HSD17B11: variants seen among roughly 807,000 people sequenced by gnomAD.
HSD17B11 encodes the protein estradiol 17-beta-dehydrogenase 11.
Under a neutral mutation model 27.8 loss-of-function variants are expected in HSD17B11, and 22 were observed. That is an observed-to-expected ratio of 0.79 (90% CI 0.56 to 1.13). The LOEUF is 1.13. Among genes scored for constraint, HSD17B11 ranks in the 50% most tolerant of loss-of-function variants. The pLI is 0.00. For synonymous variants in HSD17B11, 117 were observed against 132.8 expected (o/e 0.88, Z 0.82); for missense variants, 314 against 351.1 (o/e 0.89, Z 0.84).
chr4:87,361,682 G>C (rs1735519479), intron 4 of HSD17B11, among the ~76,000 whole-genome samples: 1 of 152,172 alleles, frequency 6.6e-6, no homozygotes, highest in Non-Finnish European at 1.5e-5. Context: ...CAGGAGAATG[G>C]CGTGAACCCG....
intron 4 of HSD17B11, among the ~76,000 whole-genome samples, chr4:87,358,612 T>TA (rs1359938072): frequency 6.6e-6 from 1 of 152,174 alleles, no homozygotes; most frequent in Non-Finnish European, 1.5e-5. Flanking sequence ...GTATAATATA[T>TA]ATCATGTAAA....
Position 87,380,863 on chromosome 4 carries a change from CAAAAAA to C in HSD17B11, c.318+1386_318+1391del, listed in dbSNP as rs561938045. On this transcript the variant is annotated intron_variant, in intron 2 of 6. Coordinates refer to ENST00000358290, the MANE Select transcript of HSD17B11 (RefSeq NM_016245.5). ...ACAAAGCTAGAGCTAGACTCTATCT[CAAAAAA>C]AAAAAAAAAAAAAAAAAAAAAAGAA... Among the ~76,000 whole-genome samples, 620 of 74,652 alleles carry C rather than the reference CAAAAAA, an allele frequency of 8.3e-3. 2 individuals carry two copies. The highest frequency in any genetic ancestry group is 0.031 in the African/African-American group (578 of 18,408). The allele number at this position is 74,652 out of a possible 152,430, so 49.0% of individuals were successfully genotyped here. A position where few individuals can be genotyped will look rare whatever the true frequency, so the allele number is the denominator to read the frequency against.
chr4:87,390,814 C>A, intron 1 of HSD17B11, 47 bp downstream of exon 1: 1 of 1,548,158 alleles, frequency 6.5e-7, no homozygotes, highest in Non-Finnish European at 8.9e-7. Context: ...GCAGACACAT[C>A]CACAAATTAA....
chr4:87,367,755 G>T (rs1429308918), intron 4 of HSD17B11, among the ~76,000 whole-genome samples: 1 of 152,164 alleles, frequency 6.6e-6, no homozygotes, highest in African/African-American at 2.4e-5. Context: ...ATCTCTAACT[G>T]CTGCTCAGAA....
rs770126344 is a variant in HSD17B11 at position 87,340,575 on chromosome 4, C to T, written c.727G>A (p.Val243Ile). The change falls in exon 6 of 7, where the codon GTA (valine) becomes ATA (isoleucine). Residue 243 changes from valine (V) to isoleucine (I), a missense_variant. Physicochemically the swap from Val to Ile is conservative, Grantham distance 29 (BLOSUM62 3). Transcript: ENST00000358290. The stretch of plus-strand genomic sequence containing the variant: ...AGAATCCCATGCATCAGCCTGTTTA[C>T]CACTTCCTCAGGTTCCAGAGTGGGT... Reference protein sequence around the residue: ...LGPTLEPEEVVNRLMHGILTE... With the variant: ...LGPTLEPEEVINRLMHGILTE... 1.7e-5 allele frequency: 28 copies of T among 1,612,964 alleles called. No homozygotes were observed. The highest frequency in any genetic ancestry group is 1.1e-4 in the East Asian group (5 of 44,858).
intron 4 of HSD17B11, among the ~76,000 whole-genome samples, chr4:87,369,436 T>TC (rs1212936676): frequency 2.6e-5 from 4 of 152,100 alleles, no homozygotes; most frequent in Non-Finnish European, 5.9e-5. Context: ...CAAATTCTTT[T>TC]TTTTTTTTTC....
intron 5 of HSD17B11, among the ~76,000 whole-genome samples, chr4:87,356,312 C>T (rs1273276022): frequency 2.0e-5 from 3 of 152,168 alleles, no homozygotes; most frequent in Admixed American, 6.5e-5. Context: ...TATGTGTGCC[C>T]GAGGATGCTT....
At position 87,379,499 on chromosome 4, in the gene HSD17B11, TATATATACATATATA is replaced by T. The variant is rs1236716363; in HGVS notation, c.318+2741_318+2755del. ...TATATTTATATTATATAATATATAT[TATATATACATATATA>T]ATATGTACATATATACATATACAGC... On this transcript the variant is annotated intron_variant, in intron 2 of 6. Transcript: ENST00000358290. Among the ~76,000 whole-genome samples, 17 of 146,838 alleles carry T rather than the reference TATATATACATATATA, an allele frequency of 1.2e-4. No individual in the cohort carries two copies. In the South Asian group the frequency reaches 3.4e-3, roughly 29 times the overall value.
In HSD17B11 at chr4:87,390,984, C is replaced by G. The variant is rs752189090; in HGVS notation, c.87G>C (p.Lys29Asn). The G allele has an allele frequency of 3.1e-6, 5 of 1,614,110 alleles. No homozygotes were observed. Among genetic ancestry groups the G allele is most frequent in the Non-Finnish European group, 4.2e-6 (5 of 1,180,024 alleles). The change falls in exon 1 of 7, where the codon AAG becomes AAC. Residue 29 changes from lysine to asparagine, a missense_variant. By Grantham distance (94) the Lys-to-Asn change is moderately conservative. Transcript: ENST00000358290. ...TTTCGCCGGTGACTGATTTTCTCCT[C>G]TTAGGAATAAAAAGCTTCACGAAGG... is the stretch of plus-strand genomic sequence containing the variant. The part of the protein sequence containing the change: ...LESFVKLFIP[K>N]RRKSVTGEIV...
At chr4:87,388,944 G>C (rs1344813507) in intron 1 of HSD17B11, among the ~76,000 whole-genome samples, 1 of 152,230 alleles carries the variant, frequency 6.6e-6, no homozygotes, top group Non-Finnish European at 1.5e-5. Flanking sequence ...GAACACTGCA[G>C]TGTGTTTACC....
chr4:87,342,974 G>C (rs910300837), intron 5 of HSD17B11, among the ~76,000 whole-genome samples: 2 of 152,146 alleles, frequency 1.3e-5, no homozygotes, highest in Non-Finnish European at 2.9e-5. Flanking sequence ...AGCATTTAGA[G>C]GGAAATTCAT....
rs868485742 is a variant in HSD17B11 at position 87,352,863 on chromosome 4, G to A, written c.695+4416C>T. Among the ~76,000 whole-genome samples the A allele has an allele frequency of 1.1e-4, 6 of 55,810 alleles. 1 individual carries two copies. Among genetic ancestry groups the A allele is most frequent in the Middle Eastern group, 4.7e-3 (1 of 214 alleles). 36.6% of individuals were successfully genotyped at this position (55,810 alleles called of 152,430 possible). A position where few individuals can be genotyped will look rare whatever the true frequency, so the allele number is the denominator to read the frequency against. ...AGCCGGTCTGAAAAGCGCAATATTC[G>A]GGTGGGAGTGACCCGATTTTCCAGG... On this transcript the variant is annotated intron_variant, in intron 5 of 6. Transcript: ENST00000358290.
At position 87,374,773 on chromosome 4, in the gene HSD17B11, T is replaced by C. The variant is rs199701609; in HGVS notation, c.376A>G (p.Thr126Ala). 3 of 1,602,256 alleles carry C rather than the reference T, an allele frequency of 1.9e-6. No individual in the cohort carries two copies. The highest frequency in any genetic ancestry group is 2.6e-6 in the Non-Finnish European group (3 of 1,173,402). The change falls in exon 3 of 7, where the codon ACA (threonine) becomes GCA (alanine). Residue 126 changes from threonine (T) to alanine (A), a missense_variant. Coordinates refer to ENST00000358290, the MANE Select transcript of HSD17B11 (RefSeq NM_016245.5). ...ILVNNAGVVY[T>A]SDLFATQDPQ... ...TCTTGTGTAGCAAACAAATCTGATG[T>C]ATAGACTACACCAGCATTATTTACT...
At chr4:87,373,916 G>A (rs1735770213) in intron 3 of HSD17B11, among the ~76,000 whole-genome samples, 1 of 152,154 alleles carries the variant, frequency 6.6e-6, no homozygotes, top group African/African-American at 2.4e-5. Flanking sequence ...AATATTTGGA[G>A]ACTTCAGAAA....
intron 4 of HSD17B11, among the ~76,000 whole-genome samples, chr4:87,359,249 T>C (rs753564408): frequency 1.3e-5 from 2 of 152,114 alleles, no homozygotes; most frequent in Non-Finnish European, 2.9e-5. Flanking sequence ...AAAAGAAAGA[T>C]TGTTAGATTA....
intron 4 of HSD17B11, among the ~76,000 whole-genome samples, chr4:87,361,799 G>C (rs769102914): frequency 6.6e-6 from 1 of 152,126 alleles, no homozygotes; most frequent in Non-Finnish European, 1.5e-5. Flanking sequence ...ACTTTGCACT[G>C]TGGACTCACC....
In HSD17B11 at chr4:87,382,241, A is replaced by T. The variant is rs759976566; in HGVS notation, c.318+14T>A. The stretch of plus-strand genomic sequence containing the variant: ...TCTAACATGATATGATTCTAACTAA[A>T]CACAACATTTCACCTTCTTTGCAGA... On this transcript the variant is annotated intron_variant, in intron 2 of 6. Coordinates refer to ENST00000358290, the MANE Select transcript of HSD17B11 (RefSeq NM_016245.5). The T allele has an allele frequency of 1.3e-6, 2 of 1,588,710 alleles. No homozygotes were observed. The highest frequency in any genetic ancestry group is 1.7e-6 in the Non-Finnish European group (2 of 1,157,088).
intron 4 of HSD17B11, among the ~76,000 whole-genome samples, chr4:87,368,560 C>A (rs2110122942): frequency 6.6e-6 from 1 of 152,258 alleles, no homozygotes; most frequent in East Asian, 1.9e-4. Flanking sequence ...GCATGTGAAA[C>A]AGAACAACTC....
chr4:87,346,492 A>C (rs183315514), intron 5 of HSD17B11, among the ~76,000 whole-genome samples: 48 of 152,242 alleles, frequency 3.2e-4, no homozygotes, highest in African/African-American at 9.4e-4. Context: ...TCTACTAAAA[A>C]TAGAAAAATT....
Sources: allele counts gnomAD v4.1 joint callset (sites outside exome capture counted in the v4.1 genomes callset), GRCh38; gene constraint gnomAD v4.1.1; transcripts MANE v1.5; gene names NCBI Gene and HGNC (gene_info 2026-07-23, HGNC 2026-07-21).